Variants in LINS1 observed in about 807,000 individuals in gnomAD.
LINS1 encodes the protein protein Lines homolog 1.
In LINS1, 27 loss-of-function variants were observed where a neutral mutation model predicts 41.6. The observed-to-expected ratio is 0.65, with a 90% CI of 0.48 to 0.89. The LOEUF is 0.89. LINS1 is among the 40% of genes least tolerant of loss of function. LINS1 has a pLI of 0.00. For missense variants in LINS1, 955 were observed against 884.1 expected (o/e 1.08, Z -1.02); for synonymous variants, 336 against 312.9 (o/e 1.07, Z -0.78).
intron 1 of LINS1, among the ~76,000 whole-genome samples, chr15:100,582,208 G>GC (rs397973022): frequency 3.0e-4 from 43 of 145,242 alleles, no homozygotes; most frequent in African/African-American, 3.3e-4. Flanking sequence ...CTACACTATG[G>GC]CCACTAGCCT....
rs764442764 is a variant in LINS1, at chr15:100,580,320, TA to T, written c.431del (p.Leu144TyrfsTer17). The T allele has an allele frequency of 7.7e-5, 125 of 1,613,058 alleles. No individual in the cohort carries two copies. The highest frequency in any genetic ancestry group is 9.4e-5 in the Non-Finnish European group (111 of 1,179,376). ...CAAGGCACTGTGCAGCCATGTGAGA[TA>T]ACAATTTATCTGAATTTTGGAACAT... ...ICMFQNSDKL[L>X]SHMAAQCLAL... On this transcript the variant is annotated frameshift_variant, in exon 3 of 7. Coordinates refer to ENST00000314742, the MANE Select transcript of LINS1 (RefSeq NM_001040616.3). LOFTEE classifies it high-confidence loss of function.
chr15:100,585,030 G>A (rs868764879), intron 1 of LINS1, among the ~76,000 whole-genome samples: 11 of 152,204 alleles, frequency 7.2e-5, no homozygotes, highest in South Asian at 4.1e-4. Context: ...TGTCACTCTA[G>A]TGGAATGAGA....
chr15:100,582,585 G>C (rs2038603993), intron 1 of LINS1, among the ~76,000 whole-genome samples: 1 of 141,672 alleles, frequency 7.1e-6, no homozygotes, highest in Admixed American at 7.2e-5. Context: ...GTCTTATACT[G>C]GGTCTTCCAT....
At chr15:100,602,021 G>A (rs1482381267) in intron 1 of LINS1, 100 bp downstream of exon 1, 1 of 152,248 alleles carries the variant, frequency 6.6e-6, no homozygotes, top group Non-Finnish European at 1.5e-5. Context: ...GCTTCCTGGA[G>A]CCTGCCGCCC....
At chr15:100,571,822 G>A in intron 6 of LINS1, 72 bp downstream of exon 6, 1 of 1,549,828 alleles carries the variant, frequency 6.5e-7, no homozygotes, top group Non-Finnish European at 8.9e-7. Flanking sequence ...AACACGCCCA[G>A]CACATTCTCA....
Position 100,567,025 on chromosome 15 carries a change from G to A in LINS1, c.*2213C>T, listed in dbSNP as rs1338265594. On this transcript the variant is annotated 3_prime_UTR_variant, in exon 7 of 7. Coordinates refer to ENST00000314742, the MANE Select transcript of LINS1 (RefSeq NM_001040616.3). ...AAAACAGCCATGTGTCACATGACAG[G>A]GACATGTTCTGAGAAATGAGCTGTA... The A allele has an allele frequency of 1.3e-5, 2 of 152,060 alleles. No homozygotes were observed. The highest frequency in any genetic ancestry group is 2.9e-5 in the Non-Finnish European group (2 of 68,016). The allele number at this position is 152,060 out of a possible 1,614,324, so 9.4% of individuals were successfully genotyped here.
At chr15:100,600,641 A>G (rs2039448960) in intron 1 of LINS1, among the ~76,000 whole-genome samples, 2 of 151,620 alleles carry the variant, frequency 1.3e-5, no homozygotes, top group South Asian at 4.2e-4. Context: ...ATAGTCCTGA[A>G]TAAGTTGTTT....
rs1176672100 is a variant in LINS1, at chr15:100,573,688, G to T, written c.1185C>A (p.Ile395=). Residue 395 remains isoleucine (I), a synonymous_variant, in exon 5 of 7, where the codon ATC becomes ATA. Transcript: ENST00000314742. ...TTGCTGAAGAATAATTTTGAAACTT[G>T]ATTTCTAAGGATTTCATTATAACTA... ...ASLVIMKSLE[I]KFQNYSSASE... 2 of 1,609,104 alleles carry T rather than the reference G, an allele frequency of 1.2e-6. No individual in the cohort carries two copies. Among genetic ancestry groups the T allele is most frequent in the South Asian group, 2.2e-5 (2 of 90,022 alleles).
intron 1 of LINS1, among the ~76,000 whole-genome samples, chr15:100,593,124 A>C (rs1039783321): frequency 6.6e-6 from 1 of 152,214 alleles, no homozygotes; most frequent in African/African-American, 2.4e-5. Context: ...AGCTTTTAAG[A>C]GACACCAACA....
chr15:100,590,381 C>T (rs1346118498), intron 1 of LINS1, among the ~76,000 whole-genome samples: 1 of 152,168 alleles, frequency 6.6e-6, no homozygotes, highest in African/African-American at 2.4e-5. Flanking sequence ...TTTAATGGTA[C>T]ACACATTGCC....
At chr15:100,577,283 G>T (rs564206785) in intron 3 of LINS1, among the ~76,000 whole-genome samples, 2 of 152,126 alleles carry the variant, frequency 1.3e-5, no homozygotes, top group Admixed American at 6.5e-5. Flanking sequence ...AAACCCCATC[G>T]TCTCAGCCCA....
At chr15:100,592,684 A>G (rs918631564) in intron 1 of LINS1, among the ~76,000 whole-genome samples, 1 of 152,222 alleles carries the variant, frequency 6.6e-6, no homozygotes, top group African/African-American at 2.4e-5. Context: ...ATACTTTAAC[A>G]AAAGATCAAC....
rs1168686228 is a variant in LINS1 at position 100,572,063 on chromosome 15, C to T, written c.1225G>A (p.Asp409Asn). The T allele has an allele frequency of 1.2e-6, 2 of 1,613,888 alleles. No homozygotes were observed. Among genetic ancestry groups the T allele is most frequent in the Admixed American group, 1.7e-5 (1 of 59,996 alleles). Residue 409 changes from aspartate (D) to asparagine (N), a missense_variant and splice_region_variant, in exon 6 of 7, where the codon GAC (aspartate) becomes AAC (asparagine). Physicochemically the swap from Asp to Asn is conservative, Grantham distance 23. Transcript: ENST00000314742. ...AACTCAGACATGAACCTCTGTAAGT[C>T]AACTTCAAAAAATGAAAATTTCAAA... ...NYSSASEVKVDLQRFMSELLT... is the reference protein window; with the variant it reads ...NYSSASEVKVNLQRFMSELLT...
chr15:100,580,703 A>G lies in LINS1; in HGVS notation c.140T>C (p.Leu47Ser). The change falls in exon 2 of 7, where the codon TTA becomes TCA. Residue 47 changes from leucine to serine, a missense_variant. Transcript: ENST00000314742. ...SDQDCSTATSLEWANTCGIQG... is the reference protein window; with the variant it reads ...SDQDCSTATSSEWANTCGIQG... ...GATACCACAGGTGTTTGCCCATTCT[A>G]AGGAGGTGGCTGTAGAACAATCTTG... 6.2e-7 allele frequency: 1 copy of G among 1,613,464 alleles called. No individual in the cohort carries two copies. Among genetic ancestry groups the G allele is most frequent in the Non-Finnish European group, 8.5e-7 (1 of 1,179,572 alleles).
chr15:100,572,422 G>A, intron 5 of LINS1: 6 of 1,101,260 alleles, frequency 5.4e-6, no homozygotes, highest in Non-Finnish European at 6.7e-6. Flanking sequence ...TGCCAGAGCT[G>A]TCTGTCCAAG....
At chr15:100,574,881 A>T (rs1567718982) in intron 4 of LINS1, 106 bp downstream of exon 4, 5 of 1,171,294 alleles carry the variant, frequency 4.3e-6, no homozygotes. Flanking sequence ...CTTTTTCATT[A>T]CTTTAAGACA....
rs573988792 is a variant in LINS1 at position 100,570,159 on chromosome 15, CA to C, written c.1395-43del. ...TGGAGAATGCAGATTAATGACCTTA[CA>C]AAAATAAACAGTTTTACCAGATATA... On this transcript the variant is annotated intron_variant, in intron 6 of 6. Coordinates refer to ENST00000314742, the MANE Select transcript of LINS1 (RefSeq NM_001040616.3). The C allele has an allele frequency of 8.0e-4, 1,160 of 1,447,850 alleles. 4 individuals carry two copies. The highest frequency in any genetic ancestry group is 6.8e-3 in the African/African-American group (461 of 68,270). 89.7% of individuals were successfully genotyped at this position (1,447,850 alleles called of 1,614,324 possible).
chr15:100,574,079 T>C lies in LINS1; in HGVS notation c.794A>G (p.His265Arg). ...CTGGCAAGTGAAATGTAACTTCAGGTGGATTCTGGAGGCGATGAGAAGCTC... is the reference window on the plus strand; with the variant it reads ...CTGGCAAGTGAAATGTAACTTCAGGCGGATTCTGGAGGCGATGAGAAGCTC... ...LLELLIASRI[H>R]LKLHFTCQRI... Residue 265 changes from histidine (H) to arginine (R), a missense_variant, in exon 5 of 7, where the codon CAC becomes CGC. Transcript: ENST00000314742. 1.9e-6 allele frequency: 3 copies of C among 1,614,176 alleles called. No homozygotes were observed. The highest frequency in any genetic ancestry group is 2.5e-6 in the Non-Finnish European group (3 of 1,180,014).
At position 100,568,266 on chromosome 15, in the gene LINS1, G is replaced by A. The variant is rs2037626573; in HGVS notation, c.*972C>T. 1 of 152,162 alleles carries A rather than the reference G, an allele frequency of 6.6e-6. No individual in the cohort carries two copies. Among genetic ancestry groups the A allele is most frequent in the South Asian group, 2.1e-4 (1 of 4,830 alleles). 9.4% of individuals were successfully genotyped at this position (152,162 alleles called of 1,614,324 possible). On this transcript the variant is annotated 3_prime_UTR_variant, in exon 7 of 7. Coordinates refer to ENST00000314742, the MANE Select transcript of LINS1 (RefSeq NM_001040616.3). ...CGCTTTCTGTGTAAATACCCCAGAA[G>A]GAAATAGTAACTGTATTTGGTTAGT...
Sources: allele counts gnomAD v4.1 joint callset (sites outside exome capture counted in the v4.1 genomes callset), GRCh38; gene constraint gnomAD v4.1.1; transcripts MANE v1.5; gene names NCBI Gene and HGNC (gene_info 2026-07-23, HGNC 2026-07-21).